ROBO2: variants seen among roughly 807,000 people sequenced by gnomAD.
The protein encoded by ROBO2 is roundabout guidance receptor 2.
Under a neutral mutation model 160.8 loss-of-function variants are expected in ROBO2, and 53 were observed. The ratio of observed to expected loss-of-function variants is 0.33; its 90% CI spans 0.26 to 0.41. The LOEUF (loss-of-function observed/expected upper bound fraction) is 0.41. Ranked by LOEUF, ROBO2 falls within the 10% of genes least tolerant of loss-of-function variation. ROBO2 has a pLI of 1.00. For missense variants in ROBO2, 1,577 were observed against 1,722.4 expected (o/e 0.92, Z 1.49); for synonymous variants, 664 against 611.7 (o/e 1.09, Z -1.26).
At chr3:76,945,921 T>G (rs1391290481) in intron 2 of ROBO2, among the ~76,000 whole-genome samples, 1 of 152,204 alleles carries the variant, frequency 6.6e-6, no homozygotes, top group Admixed American at 6.5e-5. Flanking sequence ...TTGCTTTTGA[T>G]TGGTGGATTT....
At chr3:77,371,900 G>T (rs902401906) in intron 2 of ROBO2, among the ~76,000 whole-genome samples, 4 of 152,166 alleles carry the variant, frequency 2.6e-5, no homozygotes, top group African/African-American at 9.6e-5. Flanking sequence ...TGCTGCAGTA[G>T]TCACTTGTAA....
intron 2 of ROBO2, among the ~76,000 whole-genome samples, chr3:77,331,583 T>C (rs1374278445): frequency 1.3e-5 from 2 of 152,188 alleles, no homozygotes; most frequent in Non-Finnish European, 2.9e-5. Context: ...TACTTGCAAA[T>C]CTGATATCTG....
chr3:76,878,938 C>G (rs565190299), intron 2 of ROBO2, among the ~76,000 whole-genome samples: 10 of 151,894 alleles, frequency 6.6e-5, no homozygotes, highest in Non-Finnish European at 4.4e-5. Flanking sequence ...AGAAATAGTA[C>G]GGCTAAAGTT....
intron 2 of ROBO2, among the ~76,000 whole-genome samples, chr3:76,712,784 C>G (rs1248058062): frequency 6.6e-6 from 1 of 152,028 alleles, no homozygotes; most frequent in African/African-American, 2.4e-5. Context: ...CCAGCAAACT[C>G]TTGCTTTGTT....
At chr3:76,840,092 TTTTG>T (rs908712228) in intron 2 of ROBO2, among the ~76,000 whole-genome samples, 19 of 152,248 alleles carry the variant, frequency 1.2e-4, no homozygotes, top group African/African-American at 4.6e-4. Context: ...GGTTTGTCAA[TTTTG>T]TTTATTTTTT....
rs117713737 is a variant in ROBO2, at chr3:76,598,914, T to C, written c.110-499100T>C. 8.6e-4 allele frequency among the ~76,000 whole-genome samples: 131 copies of C among 152,288 alleles called. 1 individual carries two copies. The East Asian group carries it at 0.024, about 28-fold the overall frequency. On this transcript the variant is annotated intron_variant, in intron 2 of 26. Coordinates refer to the ROBO2 transcript ENST00000487694. ...CTACTAAGAAAGTATATAATAACCTTGTTTGGAACACAGCATATAGAAAAA... is the reference window on the plus strand; with the variant it reads ...CTACTAAGAAAGTATATAATAACCTCGTTTGGAACACAGCATATAGAAAAA...
chr3:77,374,173 A>C (rs1389516716), intron 2 of ROBO2, among the ~76,000 whole-genome samples: 4 of 36,288 alleles, frequency 1.1e-4, no homozygotes, highest in Admixed American at 3.3e-4. Flanking sequence ...CTCCATCAAA[A>C]AAAAAAAAAA....
chr3:77,096,105 A>T (rs562217131), intron 1 of ROBO2, among the ~76,000 whole-genome samples: 2 of 152,186 alleles, frequency 1.3e-5, no homozygotes, highest in Non-Finnish European at 2.9e-5. Context: ...ACATTAAAAC[A>T]TGTATTTTCA....
At chr3:75,949,334 A>G (rs1948447579) in intron 2 of ROBO2, among the ~76,000 whole-genome samples, 1 of 152,054 alleles carries the variant, frequency 6.6e-6, no homozygotes, top group South Asian at 2.1e-4. Flanking sequence ...TCTAATAATT[A>G]CTATTCTTCT....
intron 2 of ROBO2, among the ~76,000 whole-genome samples, chr3:76,026,923 G>A (rs77458037): frequency 0.012 from 1,861 of 151,930 alleles, 36 homozygotes; most frequent in African/African-American, 0.042. Flanking sequence ...GACCTTCCAG[G>A]GCTCTCCAGA....
chr3:77,289,372 G>T (rs1468837372), intron 2 of ROBO2, among the ~76,000 whole-genome samples: 2 of 151,818 alleles, frequency 1.3e-5, no homozygotes, highest in Non-Finnish European at 2.9e-5. Context: ...GCTGAGACTA[G>T]ATCACCCCAG....
chr3:76,807,366 C>T (rs574863526), intron 2 of ROBO2, among the ~76,000 whole-genome samples: 27 of 152,090 alleles, frequency 1.8e-4, no homozygotes, highest in African/African-American at 6.5e-4. Context: ...TTAACCTATA[C>T]AAATATCTCT....
At chr3:77,377,332 A>G (rs1248135558) in intron 2 of ROBO2, among the ~76,000 whole-genome samples, 1 of 152,184 alleles carries the variant, frequency 6.6e-6, no homozygotes, top group Admixed American at 6.5e-5. Context: ...TTCCTCCTAA[A>G]ATATTTTGTG....
At chr3:76,756,864 GCAA>G (rs992268568) in intron 2 of ROBO2, among the ~76,000 whole-genome samples, 16 of 151,670 alleles carry the variant, frequency 1.1e-4, no homozygotes, top group African/African-American at 3.9e-4. Flanking sequence ...TCTTTAAATT[GCAA>G]CAGCAGCAGC....
chr3:77,081,348 C>G (rs936541788), intron 1 of ROBO2, among the ~76,000 whole-genome samples: 3 of 152,162 alleles, frequency 2.0e-5, no homozygotes, highest in Non-Finnish European at 4.4e-5. Flanking sequence ...GGATGCCATC[C>G]AAAGGAACTG....
intron 2 of ROBO2, among the ~76,000 whole-genome samples, chr3:76,446,230 T>C (rs1490453296): frequency 6.6e-6 from 1 of 152,144 alleles, no homozygotes; most frequent in East Asian, 1.9e-4. Flanking sequence ...ATCACAAGCA[T>C]TCTTTTACAA....
intron 2 of ROBO2, among the ~76,000 whole-genome samples, chr3:76,219,393 A>G (rs1359022470): frequency 6.6e-6 from 1 of 152,208 alleles, no homozygotes; most frequent in Non-Finnish European, 1.5e-5. Context: ...CAGGCAACCT[A>G]CAGCATGGGA....
chr3:76,882,469 G>A lies in ROBO2; in HGVS notation c.110-215545G>A, dbSNP rs950270527. On this transcript the variant is annotated intron_variant, in intron 2 of 26. Transcript: ENST00000487694. The stretch of plus-strand genomic sequence containing the variant: ...AGGACTCGGTCACTCCCCCATCCCC[G>A]CCCTATATTACAAATACTTTCAGGG... 1.4e-4 allele frequency among the ~76,000 whole-genome samples: 21 copies of A among 151,756 alleles called. No individual in the cohort carries two copies. The East Asian group carries it at 1.7e-3, about 13-fold the overall frequency.
chr3:77,331,396 C>T (rs1464659190), intron 2 of ROBO2, among the ~76,000 whole-genome samples: 1 of 152,104 alleles, frequency 6.6e-6, no homozygotes, highest in African/African-American at 2.4e-5. Context: ...ATTTTGAGGA[C>T]ACTTGCAGTG....
Sources: gnomAD v4.1 joint callset for allele counts (sites outside exome capture counted in the v4.1 genomes callset) on GRCh38, gnomAD v4.1.1 for gene constraint, MANE v1.5 for transcripts, NCBI Gene and HGNC (gene_info 2026-07-23, HGNC 2026-07-21) for gene names.